The following CELF2 variants were observed in gnomAD, a reference collection of about 807,000 sequenced individuals.
CELF2 encodes the protein CUGBP Elav-like family member 2, also known as CUG triplet repeat RNA-binding protein 2.
Under a neutral mutation model 62.6 loss-of-function variants are expected in CELF2, and 8 were observed. The observed-to-expected ratio is 0.13, with a 90% CI of 0.07 to 0.23. The LOEUF (loss-of-function observed/expected upper bound fraction) is 0.23. Ranked by LOEUF, CELF2 falls within the 10% of genes least tolerant of loss-of-function variation. CELF2 has a pLI of 1.00. For synonymous variants in CELF2, 258 were observed against 250.0 expected (o/e 1.03, Z -0.30); for missense variants, 333 against 671.0 (o/e 0.50, Z 5.56).
chr10:10,677,265 G>C, the CELF2 span, among the ~76,000 whole-genome samples: 285 of 152,308 alleles, frequency 1.9e-3, no homozygotes, highest in African/African-American at 6.3e-3. Flanking sequence ...TACGCTTGTG[G>C]ACAGAGCCTT....
chr10:10,581,131 A>C, the CELF2 span, among the ~76,000 whole-genome samples: 1 of 152,174 alleles, frequency 6.6e-6, no homozygotes, highest in Admixed American at 6.5e-5. Flanking sequence ...TTTGCACATA[A>C]TAATTGTTGT....
At chr10:11,158,101 T>C (rs1395588037) in intron 1 of CELF2, among the ~76,000 whole-genome samples, 1 of 152,218 alleles carries the variant, frequency 6.6e-6, no homozygotes, top group African/African-American at 2.4e-5. Context: ...TTTACAAGGA[T>C]TCTCTTTGTA....
the CELF2 span, among the ~76,000 whole-genome samples, chr10:10,698,635 G>T: frequency 6.6e-6 from 1 of 152,102 alleles, no homozygotes; most frequent in Non-Finnish European, 1.5e-5. Flanking sequence ...AACACGTTTT[G>T]GTCTCAACTA....
chr10:10,836,193 C>G (rs1006697222), intron 1 of CELF2, among the ~76,000 whole-genome samples: 45 of 151,694 alleles, frequency 3.0e-4, no homozygotes, highest in Admixed American at 9.2e-4. Flanking sequence ...ATGAGGTCAA[C>G]TAGGGAGAAG....
chr10:10,732,853 A>T, the CELF2 span, among the ~76,000 whole-genome samples: 9 of 152,236 alleles, frequency 5.9e-5, no homozygotes, highest in South Asian at 1.2e-3. Flanking sequence ...AAAGTCAAGA[A>T]TCTGAACCTG....
At chr10:10,796,920 T>G (rs914348810), upstream of CELF2, 21 of 983,726 alleles carry the variant, frequency 2.1e-5, no homozygotes, top group Non-Finnish European at 2.4e-5. Context: ...AATTCTCTTT[T>G]AATTTTAGTC....
At chr10:11,187,284 G>A (rs1320204306) in intron 2 of CELF2, among the ~76,000 whole-genome samples, 1 of 152,048 alleles carries the variant, frequency 6.6e-6, no homozygotes, top group African/African-American at 2.4e-5. Flanking sequence ...GTTTTGAAAT[G>A]ACCTTTATTT....
the CELF2 span, among the ~76,000 whole-genome samples, chr10:10,514,337 C>G: frequency 6.6e-6 from 1 of 152,080 alleles, no homozygotes; most frequent in Non-Finnish European, 1.5e-5. Flanking sequence ...AAGTATGTAA[C>G]TGACCTACTG....
chr10:10,616,717 TGTGA>T, the CELF2 span, among the ~76,000 whole-genome samples: 39,740 of 137,070 alleles, frequency 0.29, 5,588 homozygotes, highest in South Asian at 0.45. Context: ...TGTGTGTGTG[TGTGA>T]GAGAGAGAGA....
the CELF2 span, among the ~76,000 whole-genome samples, chr10:10,616,839 C>T: frequency 1.3e-5 from 2 of 152,068 alleles, no homozygotes; most frequent in African/African-American, 4.8e-5. Context: ...CCTTCCACCT[C>T]AGCCTCCCAT....
chr10:10,670,591 G>A, the CELF2 span, among the ~76,000 whole-genome samples: 2 of 152,094 alleles, frequency 1.3e-5, no homozygotes, highest in Non-Finnish European at 2.9e-5. Context: ...AACCTAGATT[G>A]ACACATCATT....
At chr10:10,786,440 A>G in the CELF2 span, among the ~76,000 whole-genome samples, 1 of 151,740 alleles carries the variant, frequency 6.6e-6, no homozygotes, top group Non-Finnish European at 1.5e-5. Context: ...ACAGATCAGG[A>G]TGATGAGAAA....
In CELF2 at chr10:11,259,674, C is replaced by G. The variant is rs543104524; in HGVS notation, c.538+1802C>G. Among the ~76,000 whole-genome samples the G allele has an allele frequency of 9.9e-5, 15 of 152,256 alleles. No individual in the cohort carries two copies. In the South Asian group the frequency reaches 3.1e-3, roughly 32 times the overall value. ...GTGGCAGACTGCACCACCTCTGGCT[C>G]CCAAACAGCCTCACCAGCCAAGGGA... is the stretch of plus-strand genomic sequence containing the variant. On this transcript the variant is annotated intron_variant, in intron 5 of 12. Coordinates refer to ENST00000633077, the MANE Select transcript of CELF2 (RefSeq NM_001326342.2).
intron 2 of CELF2, among the ~76,000 whole-genome samples, chr10:11,209,171 G>A (rs2061171672): frequency 6.6e-6 from 1 of 152,144 alleles, no homozygotes; most frequent in South Asian, 2.1e-4. Flanking sequence ...ACACAGGGGA[G>A]CCACGATAAT....
chr10:10,940,233 T>C (rs527967128), intron 2 of CELF2, among the ~76,000 whole-genome samples: 3 of 152,290 alleles, frequency 2.0e-5, no homozygotes, highest in African/African-American at 7.2e-5. Flanking sequence ...TCAATAGTTA[T>C]ACCCGGGTTT....
At chr10:10,785,620 G>A in the CELF2 span, among the ~76,000 whole-genome samples, 1 of 152,102 alleles carries the variant, frequency 6.6e-6, no homozygotes, top group Admixed American at 6.5e-5. Context: ...AGTAAGCCAG[G>A]CACAGAAAAA....
the CELF2 span, among the ~76,000 whole-genome samples, chr10:10,760,470 T>G: frequency 3.0e-3 from 455 of 152,326 alleles, 4 homozygotes; most frequent in African/African-American, 0.011. Context: ...AAATTATTAT[T>G]CGTGTATTTC....
Position 11,061,326 on chromosome 10 carries a change from A to G in CELF2, c.74+43163A>G, listed in dbSNP as rs543751802. 7.0e-4 allele frequency among the ~76,000 whole-genome samples: 106 copies of G among 152,358 alleles called. 1 individual carries two copies. Among genetic ancestry groups the G allele is most frequent in the African/African-American group, 2.5e-3 (102 of 41,580 alleles). On this transcript the variant is annotated intron_variant, in intron 1 of 12. Transcript: ENST00000633077. ...TCCAGAGCAAGTCCATAACTCTTCA[A>G]TTCTTTGAAGGATGAGAGAGGTGAG...
chr10:11,219,155 G>A (rs141197654), intron 3 of CELF2, among the ~76,000 whole-genome samples: 41 of 152,310 alleles, frequency 2.7e-4, no homozygotes, highest in Non-Finnish European at 5.1e-4. Context: ...TGAATGCAGA[G>A]CTTGGTGAAT....
Sources: allele counts gnomAD v4.1 joint callset (sites outside exome capture counted in the v4.1 genomes callset), GRCh38; gene constraint gnomAD v4.1.1; transcripts MANE v1.5; gene names NCBI Gene and HGNC (gene_info 2026-07-23, HGNC 2026-07-21).